DMD: variants seen among roughly 807,000 people sequenced by gnomAD.
The protein encoded by DMD is mutant dystrophin.
In DMD, 63 loss-of-function variants were observed where a neutral mutation model predicts 330.1. That is an observed-to-expected ratio of 0.19 (90% confidence interval 0.16 to 0.24). DMD has a LOEUF of 0.24. DMD is among the 10% of genes least tolerant of loss of function. The pLI, the probability that DMD is intolerant of heterozygous loss-of-function variation, is 1.00. For synonymous variants in DMD, 1,223 were observed against 959.8 expected (o/e 1.27, Z -5.07); for missense variants, 3,344 against 2,684.1 (o/e 1.25, Z -5.43).
chrX:32,309,721 A>G lies in DMD; in HGVS notation c.6117+361T>C, dbSNP rs764626389. The stretch of plus-strand genomic sequence containing the variant: ...TACATTACATATAAATGAAAAATCT[A>G]ATTTCCCTTTTTGGAAAATGAAACA... On this transcript the variant is annotated intron_variant, in intron 42 of 78. Transcript: ENST00000357033. Among the ~76,000 whole-genome samples, 7 of 111,436 alleles carry G rather than the reference A, an allele frequency of 6.3e-5. No individual in the cohort carries two copies. The East Asian group carries it at 2.0e-3, about 32-fold the overall frequency.
intron 44 of DMD, among the ~76,000 whole-genome samples, chrX:32,165,884 T>TA (rs1395635570): frequency 1.8e-5 from 2 of 111,086 alleles, no homozygotes; most frequent in Non-Finnish European, 3.8e-5. Flanking sequence ...CTGATGGTTT[T>TA]ATAAGGGTCT....
intron 52 of DMD, among the ~76,000 whole-genome samples, chrX:31,680,164 C>T (rs184468808): frequency 9.0e-6 from 1 of 111,542 alleles, no homozygotes; most frequent in Non-Finnish European, 1.9e-5. Flanking sequence ...CCAGAGTTTC[C>T]CAAGGGATAA....
At chrX:31,935,783 C>CG (rs1252094929) in intron 45 of DMD, among the ~76,000 whole-genome samples, 3 of 49,561 alleles carry the variant, frequency 6.1e-5, no homozygotes, top group African/African-American at 1.5e-4. Flanking sequence ...AAACCCCAAA[C>CG]CCCCCAAACA....
chrX:32,771,355 A>G (rs188506335), intron 7 of DMD, among the ~76,000 whole-genome samples: 194 of 111,680 alleles, frequency 1.7e-3, no homozygotes, highest in African/African-American at 6.2e-3. Context: ...AGTAAATGAA[A>G]GTTTGTCACA....
At chrX:33,063,826 C>G (rs776698458) in intron 1 of DMD, among the ~76,000 whole-genome samples, 1 of 110,644 alleles carries the variant, frequency 9.0e-6, no homozygotes, top group African/African-American at 3.3e-5. Context: ...TCCTAGATGA[C>G]CTGCTACAAT....
chrX:31,332,858 T>C (rs2057207946), intron 61 of DMD, among the ~76,000 whole-genome samples: 1 of 112,061 alleles, frequency 8.9e-6, no homozygotes, highest in Non-Finnish European at 1.9e-5. Flanking sequence ...TTTTCATCAT[T>C]AATGTAGCTA....
intron 55 of DMD, among the ~76,000 whole-genome samples, chrX:31,569,485 T>C (rs926751075): frequency 3.7e-5 from 4 of 106,953 alleles, no homozygotes; most frequent in African/African-American, 6.8e-5. Context: ...TGGAACGCAA[T>C]AGATTCCTGC....
chrX:31,996,065 C>T (rs2095583553), intron 44 of DMD, among the ~76,000 whole-genome samples: 1 of 111,989 alleles, frequency 8.9e-6, no homozygotes, highest in Admixed American at 9.5e-5. Context: ...GACTGCTGAA[C>T]GCCTTAACAA....
At chrX:32,723,335 G>A (rs191793274) in intron 7 of DMD, among the ~76,000 whole-genome samples, 40 of 110,823 alleles carry the variant, frequency 3.6e-4, no homozygotes, top group Non-Finnish European at 1.5e-4. Flanking sequence ...ACTTTATTGA[G>A]GACTTTCACA....
Position 32,211,312 on chromosome X carries a change from G to A in DMD, c.6438+5604C>T, listed in dbSNP as rs763538398. On this transcript the variant is annotated intron_variant, in intron 44 of 78. Transcript: ENST00000357033. ...ATAAGTTTTTCAACATTTGATGGTG[G>A]GACCATGTGAACATTAAAATATGAC... Among the ~76,000 whole-genome samples, 471 of 111,746 alleles carry A rather than the reference G, an allele frequency of 4.2e-3. 3 individuals are homozygous for A. Among genetic ancestry groups the A allele is most frequent in the Non-Finnish European group, 7.0e-3 (372 of 53,062 alleles).
At chrX:31,573,874 A>C (rs1006558884) in intron 55 of DMD, among the ~76,000 whole-genome samples, 1 of 111,070 alleles carries the variant, frequency 9.0e-6, no homozygotes, top group Non-Finnish European at 1.9e-5. Context: ...TAATAAAATG[A>C]ATCTACTAAC....
At chrX:31,954,033 C>T (rs2095217092) in intron 45 of DMD, among the ~76,000 whole-genome samples, 1 of 110,470 alleles carries the variant, frequency 9.1e-6, no homozygotes, top group Non-Finnish European at 1.9e-5. Flanking sequence ...GAGAAACAAG[C>T]TGTTTTTGTC....
At chrX:32,069,596 C>T (rs906334510) in intron 44 of DMD, among the ~76,000 whole-genome samples, 2 of 111,573 alleles carry the variant, frequency 1.8e-5, no homozygotes, top group Non-Finnish European at 3.8e-5. Context: ...TCATTTGAAG[C>T]AGTAAAAGAA....
At chrX:31,344,002 G>A (rs1262894802) in intron 61 of DMD, among the ~76,000 whole-genome samples, 1 of 99,294 alleles carries the variant, frequency 1.0e-5, no homozygotes, top group African/African-American at 3.8e-5. Context: ...TTAAATTTAG[G>A]GTCAGGGTCT....
chrX:33,038,461 T>A (rs1267413982), intron 1 of DMD, among the ~76,000 whole-genome samples: 1 of 111,970 alleles, frequency 8.9e-6, no homozygotes, highest in Non-Finnish European at 1.9e-5. Context: ...ACAAGTTTAA[T>A]CCTTTGCACT....
At position 31,607,905 on chromosome X, in the gene DMD, C is replaced by T. The variant is rs200245155; in HGVS notation, c.8217+19768G>A. Among the ~76,000 whole-genome samples the T allele has an allele frequency of 2.9e-4, 32 of 111,468 alleles. No individual in the cohort carries two copies. The East Asian group carries it at 7.4e-3, about 26-fold the overall frequency. On this transcript the variant is annotated intron_variant, in intron 55 of 78. Coordinates refer to ENST00000357033, the MANE Select transcript of DMD (RefSeq NM_004006.3). Reference sequence around the variant, plus strand: ...ATGCAAAAACTATTATTTAAAAAATCTCTTTTCACAGTGTTTTTGTTTTGA... The same window carrying T: ...ATGCAAAAACTATTATTTAAAAAATTTCTTTTCACAGTGTTTTTGTTTTGA...
chrX:33,024,421 G>T (rs2093963507), intron 1 of DMD, among the ~76,000 whole-genome samples: 1 of 111,933 alleles, frequency 8.9e-6, no homozygotes, highest in Admixed American at 9.5e-5. Flanking sequence ...GTTCCCTGGA[G>T]ATGTCAAGAA....
rs1491354787 is a variant in DMD at position 33,009,323 on chromosome X, T to TATATATACAC, written c.93+10815_93+10816insGTGTATATAT. 6.0e-3 allele frequency among the ~76,000 whole-genome samples: 374 copies of TATATATACAC among 62,321 alleles called. 112 individuals are homozygous for TATATATACAC. The highest frequency in any genetic ancestry group is 8.7e-3 in the Admixed American group (53 of 6,061). The allele number at this position is 62,321 out of a possible 115,157, so 54.1% of individuals were successfully genotyped here. ...GTATATACACATGTGTGTATATGTGTATATGTGTATATACACGTGTATATA... is the reference window on the plus strand; with the variant it reads ...GTATATACACATGTGTGTATATGTGTATATATACACATATGTGTATATACACGTGTATATA... On this transcript the variant is annotated intron_variant, in intron 2 of 78. Transcript: ENST00000357033.
chrX:32,809,622 T>C lies in DMD; in HGVS notation c.531-11A>G, dbSNP rs2077196884. 1.1e-5 allele frequency: 13 copies of C among 1,141,409 alleles called. No individual in the cohort carries two copies. The highest frequency in any genetic ancestry group is 1.6e-5 in the Non-Finnish European group (13 of 832,113). 94.1% of individuals were successfully genotyped at this position (1,141,409 alleles called of 1,213,427 possible). On this transcript the variant is annotated splice_polypyrimidine_tract_variant and intron_variant, in intron 6 of 78. Transcript: ENST00000357033. The stretch of plus-strand genomic sequence containing the variant: ...TCAAATAGGTCTGGCCTAAAACACA[T>C]ACACATACACACATACACAAAGACA...
Sources: allele counts gnomAD v4.1 joint callset (sites outside exome capture counted in the v4.1 genomes callset), GRCh38; gene constraint gnomAD v4.1.1; transcripts MANE v1.5; gene names NCBI Gene and HGNC (gene_info 2026-07-23, HGNC 2026-07-21).